COL28A1: variants seen among roughly 807,000 people sequenced by gnomAD.
The protein encoded by COL28A1 is collagen alpha-1(XXVIII) chain.
COL28A1 carries 161 observed loss-of-function variants against 150.2 expected under a neutral mutation model. That is an observed-to-expected ratio of 1.07 (90% CI 0.94 to 1.22). The LOEUF (loss-of-function observed/expected upper bound fraction) is 1.22, where lower values mean the gene tolerates loss of function less well. COL28A1 is among the 50% of genes most tolerant of loss of function. The pLI is 0.00. For synonymous variants in COL28A1, 552 were observed against 469.7 expected (o/e 1.18, Z -2.26); for missense variants, 1,617 against 1,388.3 (o/e 1.16, Z -2.62).
intron 23 of COL28A1, among the ~76,000 whole-genome samples, chr7:7,433,965 G>A (rs1015803937): frequency 6.6e-6 from 1 of 152,152 alleles, no homozygotes; most frequent in East Asian, 1.9e-4. Context: ...ATTATTCCAA[G>A]TGAAAATACT....
intron 27 of COL28A1, among the ~76,000 whole-genome samples, chr7:7,401,667 T>G (rs1783213932): frequency 6.6e-6 from 1 of 152,106 alleles, no homozygotes; most frequent in Non-Finnish European, 1.5e-5. Context: ...ATCACCACCC[T>G]GCCCACACCA....
chr7:7,531,830 G>GTT lies in COL28A1; in HGVS notation c.197_198dup (p.Gln67AsnfsTer9). ...CTCAAGCTATCCACAAAATCTTTCT[G>GTT]TTTATCAAAGAGGGCAATTTTAGAA... On this transcript the variant is annotated frameshift_variant, in exon 3 of 35. Transcript: ENST00000399429. LOFTEE classifies it high-confidence loss of function. The GTT allele has an allele frequency of 6.2e-7, 1 of 1,606,222 alleles. No homozygotes were observed. The highest frequency in any genetic ancestry group is 8.5e-7 in the Non-Finnish European group (1 of 1,172,788).
At chr7:7,410,627 A>G (rs1454746237) in intron 27 of COL28A1, among the ~76,000 whole-genome samples, 1 of 148,248 alleles carries the variant, frequency 6.7e-6, no homozygotes, top group Admixed American at 6.7e-5. Context: ...TACTACCAAG[A>G]TTGGTTTTGT....
intron 26 of COL28A1, among the ~76,000 whole-genome samples, chr7:7,419,682 T>C (rs1409999016): frequency 6.6e-6 from 1 of 152,248 alleles, no homozygotes; most frequent in African/African-American, 2.4e-5. Flanking sequence ...TGCTCATTTC[T>C]TTTGGGGGAA....
Position 7,474,590 on chromosome 7 carries a change from T to TG in COL28A1, c.1302+10_1302+11insC. 9.5e-7 allele frequency: 1 copy of TG among 1,055,858 alleles called. No individual in the cohort carries two copies. The highest frequency in any genetic ancestry group is 1.5e-6 in the Non-Finnish European group (1 of 670,844). The allele number at this position is 1,055,858 out of a possible 1,614,324, so 65.4% of individuals were successfully genotyped here. A position where few individuals can be genotyped will look rare whatever the true frequency, so the allele number is the denominator to read the frequency against. On this transcript the variant is annotated intron_variant, in intron 15 of 34. Transcript: ENST00000399429. ...GGCATTGTTTCCAGTGTACACCCTA[T>TG]TATACAGTACCTTCTCCCCTTTGAT...
At chr7:7,449,201 A>G (rs1786495084) in intron 18 of COL28A1, among the ~76,000 whole-genome samples, 1 of 152,142 alleles carries the variant, frequency 6.6e-6, no homozygotes, top group South Asian at 2.1e-4. Context: ...ATCATAAAAA[A>G]GTACACATAA....
chr7:7,368,058 A>G (rs955648503), intron 33 of COL28A1, among the ~76,000 whole-genome samples: 1 of 151,880 alleles, frequency 6.6e-6, no homozygotes, highest in African/African-American at 2.4e-5. Context: ...ATTTTCCTGG[A>G]CTATCACGCC....
At position 7,500,851 on chromosome 7, in the gene COL28A1, G is replaced by A. The variant is rs550618034; in HGVS notation, c.1026+5163C>T. Among the ~76,000 whole-genome samples the A allele has an allele frequency of 6.6e-5, 10 of 152,206 alleles. 2 individuals carry two copies. The highest frequency in any genetic ancestry group is 2.2e-4 in the African/African-American group (9 of 41,514). On this transcript the variant is annotated intron_variant, in intron 11 of 34. Coordinates refer to ENST00000399429, the MANE Select transcript of COL28A1 (RefSeq NM_001037763.3). ...ATGGAAGCTTGAAAAAGTAGGGTTC[G>A]GAAAAGTAGGGTATCCAAAAACTGT... is the stretch of plus-strand genomic sequence containing the variant.
At chr7:7,536,938 G>C (rs1049326206), upstream of COL28A1, among the ~76,000 whole-genome samples, 3 of 152,112 alleles carry the variant, frequency 2.0e-5, no homozygotes, top group African/African-American at 7.2e-5. Flanking sequence ...GTGACATAAA[G>C]TGAAACAATT....
In COL28A1 at chr7:7,507,125, CT is replaced by C; in HGVS notation, c.963del (p.Gly322GlufsTer116). 2 of 1,277,786 alleles carry C rather than the reference CT, an allele frequency of 1.6e-6. No individual in the cohort carries two copies. Among genetic ancestry groups the C allele is most frequent in the Non-Finnish European group, 2.3e-6 (2 of 874,428 alleles). The allele number at this position is 1,277,786 out of a possible 1,614,324, so 79.2% of individuals were successfully genotyped here. A position where few individuals can be genotyped will look rare whatever the true frequency, so the allele number is the denominator to read the frequency against. On this transcript the variant is annotated frameshift_variant, in exon 10 of 35. Transcript: ENST00000399429. LOFTEE classifies it high-confidence loss of function. Reference sequence around the variant, plus strand: ...GGTTTTAACCCCCTTACCTGAATTCCTCTGGGTCCCTTTGGTCCATATGGCC... The same window carrying C: ...GGTTTTAACCCCCTTACCTGAATTCCCTGGGTCCCTTTGGTCCATATGGCC... The part of the protein sequence containing the change: ...SPGPYGPKGP[R>X]GIQGITGPPG...
intron 23 of COL28A1, among the ~76,000 whole-genome samples, chr7:7,433,919 T>G (rs1234843923): frequency 6.6e-6 from 1 of 152,182 alleles, no homozygotes; most frequent in East Asian, 1.9e-4. Flanking sequence ...TTAAGAACTT[T>G]CCTCATATGC....
At chr7:7,513,910 G>A (rs1169079583) in intron 8 of COL28A1, among the ~76,000 whole-genome samples, 2 of 152,172 alleles carry the variant, frequency 1.3e-5, no homozygotes, top group Non-Finnish European at 2.9e-5. Context: ...CAACTACATG[G>A]TTTCAGAAAG....
intron 15 of COL28A1, among the ~76,000 whole-genome samples, chr7:7,473,766 G>A (rs189676823): frequency 6.6e-6 from 1 of 152,140 alleles, no homozygotes; most frequent in East Asian, 1.9e-4. Context: ...ATTTGCAAAT[G>A]CAAAAACATG....
chr7:7,541,768 T>C, the COL28A1 span, among the ~76,000 whole-genome samples: 691 of 152,286 alleles, frequency 4.5e-3, 11 homozygotes, highest in African/African-American at 0.016. Context: ...TACTCTTATA[T>C]AGGATCAAGA....
intron 18 of COL28A1, among the ~76,000 whole-genome samples, chr7:7,448,519 T>TAC (rs1165736948): frequency 6.6e-6 from 1 of 151,824 alleles, no homozygotes; most frequent in African/African-American, 2.4e-5. Context: ...GCTAAATGAA[T>TAC]ACCTACCTTC....
intron 27 of COL28A1, among the ~76,000 whole-genome samples, chr7:7,395,860 A>T (rs1782803720): frequency 6.6e-6 from 1 of 152,142 alleles, no homozygotes. Flanking sequence ...GTTATTGCTA[A>T]TTAGGAACCG....
At chr7:7,476,551 T>A (rs891170877) in intron 14 of COL28A1, among the ~76,000 whole-genome samples, 1 of 152,248 alleles carries the variant, frequency 6.6e-6, no homozygotes, top group East Asian at 1.9e-4. Flanking sequence ...AAATATTTGC[T>A]ATCTGCCCCT....
At chr7:7,469,643 C>T (rs1583446915) in intron 15 of COL28A1, among the ~76,000 whole-genome samples, 1 of 103,936 alleles carries the variant, frequency 9.6e-6, no homozygotes, top group South Asian at 4.0e-4. Flanking sequence ...AAAGAGCCCG[C>T]ATTGCCAAGT....
At chr7:7,448,276 G>A (rs1051566434) in intron 18 of COL28A1, among the ~76,000 whole-genome samples, 2 of 152,094 alleles carry the variant, frequency 1.3e-5, no homozygotes, top group African/African-American at 2.4e-5. Context: ...AACCCATGAT[G>A]TACAGGAAAT....
Sources: gnomAD v4.1 joint callset for allele counts (sites outside exome capture counted in the v4.1 genomes callset) on GRCh38, gnomAD v4.1.1 for gene constraint, MANE v1.5 for transcripts, NCBI Gene and HGNC (gene_info 2026-07-23, HGNC 2026-07-21) for gene names.